The following TNFSF14 variants were observed in gnomAD, a reference collection of about 807,000 sequenced individuals.
The protein encoded by TNFSF14 is tumor necrosis factor ligand superfamily member 14.
TNFSF14 carries 15 observed loss-of-function variants against 22.7 expected under a neutral mutation model. The ratio of observed to expected loss-of-function variants is 0.66; its 90% CI spans 0.44 to 1.02. The LOEUF is 1.02. Among genes scored for constraint, TNFSF14 ranks in the 50% least tolerant of loss-of-function variants. TNFSF14 has a pLI of 0.00. For missense variants in TNFSF14, 287 were observed against 326.2 expected (o/e 0.88, Z 0.93); for synonymous variants, 133 against 139.6 (o/e 0.95, Z 0.33).
At chr19:6,670,175 G>A (rs375541000), upstream of TNFSF14, 14 of 1,503,432 alleles carry the variant, frequency 9.3e-6, no homozygotes, top group Admixed American at 4.2e-5. Flanking sequence ...ACAGGCACCC[G>A]TGGGCCGCCT....
rs1568204548 is a variant in TNFSF14, at chr19:6,670,053, A to G, written c.17T>C (p.Val6Ala). The change falls in exon 1 of 4, where the codon GTA becomes GCA. Residue 6 changes from valine (V) to alanine (A), a missense_variant. Transcript: ENST00000675206. Reference sequence around the variant, plus strand: ...ATCCACCACAAACACTGAGGGCCGTACGACACTCTCCTCCATGCCCAAGGT... The same window carrying G: ...ATCCACCACAAACACTGAGGGCCGTGCGACACTCTCCTCCATGCCCAAGGT... MEESV[V>A]RPSVFVVDGQ... is the part of the protein sequence containing the mutation. 1.9e-6 allele frequency: 3 copies of G among 1,613,990 alleles called. No homozygotes were observed. In the South Asian group the frequency reaches 3.3e-5, roughly 18 times the overall value.
chr19:6,669,146 G>A (rs1162323668), intron 1 of TNFSF14, among the ~76,000 whole-genome samples: 1 of 152,178 alleles, frequency 6.6e-6, no homozygotes, highest in Non-Finnish European at 1.5e-5. Context: ...TCCACAGATG[G>A]AAATGGTCAG....
rs1917563588 is a variant in TNFSF14, at chr19:6,670,138, A to T, written c.-69T>A. On this transcript the variant is annotated 5_prime_UTR_variant, in exon 1 of 4. Coordinates refer to ENST00000675206, the MANE Select transcript of TNFSF14 (RefSeq NM_001376887.1). The stretch of plus-strand genomic sequence containing the variant: ...ACCTCAGAGGAAACCGAAATTGCTC[A>T]ACACTCCTGGGCTGTGCACGCTGCG... 6.3e-7 allele frequency: 1 copy of T among 1,587,064 alleles called. No individual in the cohort carries two copies. The highest frequency in any genetic ancestry group is 1.1e-5 in the South Asian group (1 of 88,980).
chr19:6,664,788 C>A lies in TNFSF14; in HGVS notation c.*138G>T, dbSNP rs766033750. 18 of 1,119,026 alleles carry A rather than the reference C, an allele frequency of 1.6e-5. No individual in the cohort carries two copies. The highest frequency in any genetic ancestry group is 1.9e-5 in the Non-Finnish European group (15 of 791,642). The allele number at this position is 1,119,026 out of a possible 1,614,324, so 69.3% of individuals were successfully genotyped here. ...CTCCTGACCTCAGGTGATCCGCCTG[C>A]CTTGGCCTCCCAAAGTGCTGGGATT... On this transcript the variant is annotated 3_prime_UTR_variant, in exon 4 of 4. Coordinates refer to ENST00000675206, the MANE Select transcript of TNFSF14 (RefSeq NM_001376887.1). This position sits in a 1 kb window ranked among gnomAD's most constrained non-coding sequence, Gnocchi z 4.7.
Position 6,662,028 on chromosome 19 carries a change from C to A in TNFSF14, c.*2898G>T, listed in dbSNP as rs578027989. 5 of 152,094 alleles carry A rather than the reference C, an allele frequency of 3.3e-5. No homozygotes were observed. Among genetic ancestry groups the A allele is most frequent in the African/African-American group, 1.2e-4 (5 of 41,396 alleles). 9.4% of individuals were successfully genotyped at this position (152,094 alleles called of 1,614,324 possible). A position where few individuals can be genotyped will look rare whatever the true frequency, so the allele number is the denominator to read the frequency against. The stretch of plus-strand genomic sequence containing the variant: ...CATCACACTGGGGCTCAAAGAGTTT[C>A]AGATTTTGGAGCATGTTTTTTTGTT... On this transcript the variant is annotated 3_prime_UTR_variant, in exon 4 of 4. Transcript: ENST00000675206.
Position 6,667,459 on chromosome 19 carries a change from C to A in TNFSF14, c.220-10G>T. 6.4e-7 allele frequency: 1 copy of A among 1,567,762 alleles called. No homozygotes were observed. Among genetic ancestry groups the A allele is most frequent in the Non-Finnish European group, 8.6e-7 (1 of 1,165,090 alleles). On this transcript the variant is annotated splice_polypyrimidine_tract_variant and intron_variant, in intron 1 of 3. Coordinates refer to ENST00000675206, the MANE Select transcript of TNFSF14 (RefSeq NM_001376887.1). ...AGCCTGCAGGTCCGTCCTGAAAATG[C>A]AGAAGGGGCCTGCGGTAAGAACCTG...
In TNFSF14 at chr19:6,663,027, G is replaced by T. The variant is rs558818142; in HGVS notation, c.*1899C>A. On this transcript the variant is annotated 3_prime_UTR_variant, in exon 4 of 4. Transcript: ENST00000675206. ...CCTCTGCCTCTAGGAGCCACCACTT[G>T]TTGCTGATGGTTGCCCCCCATCCGA... 6.6e-6 allele frequency: 1 copy of T among 152,274 alleles called. No individual in the cohort carries two copies. The allele number at this position is 152,274 out of a possible 1,614,324, so 9.4% of individuals were successfully genotyped here. A position where few individuals can be genotyped will look rare whatever the true frequency, so the allele number is the denominator to read the frequency against.
Position 6,664,650 on chromosome 19 carries a change from C to A in TNFSF14, c.*276G>T, listed in dbSNP as rs1917349323. ...GCCTCCCGGGTTTAAGCAAAATTAT[C>A]CTGCCTCAGCCTCCTGAGTAGCTGG... On this transcript the variant is annotated 3_prime_UTR_variant, in exon 4 of 4. Transcript: ENST00000675206. The surrounding 1 kb of genome is among the most constrained non-coding windows in gnomAD (Gnocchi z 4.7). The A allele has an allele frequency of 3.5e-6, 1 of 282,228 alleles. No homozygotes were observed. Among genetic ancestry groups the A allele is most frequent in the Non-Finnish European group, 6.7e-6 (1 of 148,412 alleles). The allele number at this position is 282,228 out of a possible 1,614,324, so 17.5% of individuals were successfully genotyped here.
chr19:6,667,425 G>A lies in TNFSF14; in HGVS notation c.244C>T (p.Gln82Ter). 1 of 1,552,390 alleles carries A rather than the reference G, an allele frequency of 6.4e-7. No individual in the cohort carries two copies. The highest frequency in any genetic ancestry group is 8.6e-7 in the Non-Finnish European group (1 of 1,159,030). Residue 82 changes from glutamine (Q) to a stop codon, truncating the protein, a stop_gained, in exon 2 of 4, where the codon CAG (glutamine) becomes TAG (stop). Coordinates refer to ENST00000675206, the MANE Select transcript of TNFSF14 (RefSeq NM_001376887.1). LOFTEE classifies it high-confidence loss of function. ...GACCCTGACTCACCTTGTATCAGCT[G>A]CTCCCAGGAGCCTGCAGGTCCGTCC... Reference protein sequence around the residue: ...LPDGPAGSWEQLIQERRSHEV... With the variant: ...LPDGPAGSWE
At chr19:6,670,365 T>G, upstream of TNFSF14, 1 of 997,648 alleles carries the variant, frequency 1.0e-6, no homozygotes, top group Non-Finnish European at 1.3e-6. Context: ...CTTTCCCTTC[T>G]TGGATGCTTC....
At chr19:6,665,763 G>A (rs1404562954) in intron 3 of TNFSF14, among the ~76,000 whole-genome samples, 1 of 148,676 alleles carries the variant, frequency 6.7e-6, no homozygotes, top group Non-Finnish European at 1.5e-5. Context: ...TAGGCTGTTT[G>A]TGTGTGTGTG....
intron 3 of TNFSF14, 144 bp from the exon 4 acceptor site, chr19:6,665,494 C>T (rs1010561941): frequency 2.2e-6 from 2 of 922,592 alleles, no homozygotes; most frequent in Non-Finnish European, 3.1e-6. Context: ...CTGCACCCTC[C>T]GCCTCCCAGG....
rs536538607 is a variant in TNFSF14 at position 6,661,840 on chromosome 19, C to T, written c.*3086G>A. On this transcript the variant is annotated 3_prime_UTR_variant, in exon 4 of 4. Transcript: ENST00000675206. ...CTCCACCTATTCAACACAGAAGTAC[C>T]TAACAGTAAAAGATGAGAGATACCT... is the stretch of plus-strand genomic sequence containing the variant. 1.9e-4 allele frequency: 29 copies of T among 152,270 alleles called. No individual in the cohort carries two copies. The highest frequency in any genetic ancestry group is 7.0e-4 in the African/African-American group (29 of 41,560). 9.4% of individuals were successfully genotyped at this position (152,270 alleles called of 1,614,324 possible).
intron 1 of TNFSF14, among the ~76,000 whole-genome samples, chr19:6,669,292 T>G (rs766453561): frequency 2.0e-5 from 3 of 152,114 alleles, no homozygotes; most frequent in Non-Finnish European, 2.9e-5. Flanking sequence ...GAGACCAGCC[T>G]GACAAACATA....
At position 6,665,003 on chromosome 19, in the gene TNFSF14, C is replaced by A; in HGVS notation, c.646G>T (p.Val216Phe). The change falls in exon 4 of 4, where the codon GTC becomes TTC. Residue 216 changes from valine to phenylalanine, a missense_variant. Transcript: ENST00000675206. ...VVHLEAGEKVVVRVLDERLVR... is the reference protein window; with the variant it reads ...VVHLEAGEKVFVRVLDERLVR... ...AGGCGTTCATCCAGCACACGGACGA[C>A]CACCTTCTCCCCAGCCTCCAGGTGT... 1 of 1,613,788 alleles carries A rather than the reference C, an allele frequency of 6.2e-7. No homozygotes were observed. Among genetic ancestry groups the A allele is most frequent in the Non-Finnish European group, 8.5e-7 (1 of 1,179,712 alleles).
At chr19:6,667,214 TA>T in intron 2 of TNFSF14, 60 bp from the exon 3 acceptor site, 1 of 1,500,018 alleles carries the variant, frequency 6.7e-7, no homozygotes, top group Non-Finnish European at 8.9e-7. Flanking sequence ...GCCAGCCTCC[TA>T]AAGGGCCACC....
At chr19:6,670,352 C>A (rs1917571736), upstream of TNFSF14, 2 of 1,125,940 alleles carry the variant, frequency 1.8e-6, no homozygotes, top group Non-Finnish European at 2.3e-6. Context: ...GGGGAGCCCC[C>A]AGCTTTCCCT....
intron 1 of TNFSF14, 104 bp from the exon 2 acceptor site, chr19:6,667,553 C>T: frequency 7.9e-7 from 1 of 1,262,688 alleles, no homozygotes; most frequent in South Asian, 1.5e-5. Context: ...CCACCGACAC[C>T]ACCCTCAGAC....
At chr19:6,666,853 A>G (rs1917441584) in intron 3 of TNFSF14, among the ~76,000 whole-genome samples, 1 of 152,192 alleles carries the variant, frequency 6.6e-6, no homozygotes, top group South Asian at 2.1e-4. Flanking sequence ...AGCCGAGATC[A>G]TGCCACTGCA....
Sources: gnomAD v4.1 joint callset for allele counts (sites outside exome capture counted in the v4.1 genomes callset) on GRCh38, gnomAD v4.1.1 for gene constraint, Gnocchi (gnomAD v3.1) non-coding constraint, MANE v1.5 for transcripts, NCBI Gene and HGNC (gene_info 2026-07-23, HGNC 2026-07-21) for gene names.